Variants in PRKN observed in about 807,000 individuals in gnomAD.
PRKN encodes the protein E3 ubiquitin-protein ligase parkin.
A neutral mutation model predicts 59.5 loss-of-function variants in PRKN; 56 were observed. The ratio of observed to expected loss-of-function variants is 0.94; its 90% CI spans 0.76 to 1.18. The LOEUF (loss-of-function observed/expected upper bound fraction) is 1.18, where lower values mean the gene tolerates loss of function less well. Ranked by LOEUF, PRKN falls within the 50% of genes most tolerant of loss-of-function variation. The pLI is 0.00. For missense variants in PRKN, 657 were observed against 596.4 expected (o/e 1.10, Z -1.06); for synonymous variants, 250 against 222.1 (o/e 1.13, Z -1.12).
At chr6:162,197,286 C>T (rs1784532210) in intron 4 of PRKN, among the ~76,000 whole-genome samples, 1 of 152,134 alleles carries the variant, frequency 6.6e-6, no homozygotes, top group South Asian at 2.1e-4. Context: ...GACTGGTCGG[C>T]TGATCCACAG....
chr6:162,054,357 A>T (rs1777772624), intron 4 of PRKN, among the ~76,000 whole-genome samples, 183 bp from the exon 5 acceptor site: 1 of 152,146 alleles, frequency 6.6e-6, no homozygotes, highest in Non-Finnish European at 1.5e-5. Flanking sequence ...CTAGGTCAAA[A>T]CTATGTTCAT....
At chr6:161,963,979 C>G (rs766718019) in intron 6 of PRKN, among the ~76,000 whole-genome samples, 2 of 150,956 alleles carry the variant, frequency 1.3e-5, no homozygotes, top group Admixed American at 6.6e-5. Context: ...AGGACAACAG[C>G]GAGTTCAACT....
At chr6:162,704,038 A>T (rs891316795) in intron 1 of PRKN, among the ~76,000 whole-genome samples, 1 of 152,174 alleles carries the variant, frequency 6.6e-6, no homozygotes, top group African/African-American at 2.4e-5. Context: ...ACACAGGTGC[A>T]GGAGATGCAC....
chr6:161,777,895 T>C (rs935034084), intron 7 of PRKN, among the ~76,000 whole-genome samples: 10 of 122,862 alleles, frequency 8.1e-5, no homozygotes, highest in Non-Finnish European at 1.8e-4. Context: ...TATATATATG[T>C]ATACATATAT....
chr6:162,507,776 A>T (rs1158700132), intron 1 of PRKN, among the ~76,000 whole-genome samples: 1 of 152,198 alleles, frequency 6.6e-6, no homozygotes, highest in East Asian at 1.9e-4. Context: ...GACGAAGATC[A>T]CCTCTATCTA....
At chr6:162,585,026 G>A (rs906559174) in intron 1 of PRKN, among the ~76,000 whole-genome samples, 8 of 150,200 alleles carry the variant, frequency 5.3e-5, no homozygotes, top group African/African-American at 1.2e-4. Context: ...TCAGCCTCCC[G>A]AGTAGCTGAG....
At chr6:162,356,534 C>A (rs369831273) in intron 2 of PRKN, among the ~76,000 whole-genome samples, 1 of 137,500 alleles carries the variant, frequency 7.3e-6, no homozygotes, top group Non-Finnish European at 1.6e-5. Context: ...ATATATAATA[C>A]ATTTTTTTTT....
At chr6:161,692,753 AAAAC>A (rs947909165) in intron 7 of PRKN, among the ~76,000 whole-genome samples, 12 of 152,206 alleles carry the variant, frequency 7.9e-5, no homozygotes, top group Admixed American at 1.3e-4. Context: ...AAAAACAAAC[AAAAC>A]AAACAAACAA....
intron 7 of PRKN, among the ~76,000 whole-genome samples, chr6:161,728,924 G>A (rs972935973): frequency 9.9e-5 from 15 of 152,182 alleles, no homozygotes; most frequent in Non-Finnish European, 1.2e-4. Flanking sequence ...TCTCCTGCAG[G>A]AAAAGTAATC....
At chr6:161,843,193 T>C (rs1793062258) in intron 6 of PRKN, among the ~76,000 whole-genome samples, 1 of 152,158 alleles carries the variant, frequency 6.6e-6, no homozygotes, top group African/African-American at 2.4e-5. Flanking sequence ...CCAAACTCTA[T>C]ATTATTATCC....
rs112525834 is a variant in PRKN at position 162,323,742 on chromosome 6, C to T, written c.172-60977G>A. Among the ~76,000 whole-genome samples the T allele has an allele frequency of 3.7e-3, 564 of 152,104 alleles. 3 individuals carry two copies. Among genetic ancestry groups the T allele is most frequent in the African/African-American group, 0.013 (544 of 41,494 alleles). ...ATCAGAATGTCTAAAATTAAAAAGG[C>T]TAATCATACCAAATACTGGTGAAGG... On this transcript the variant is annotated intron_variant, in intron 2 of 11. Coordinates refer to ENST00000366898, the MANE Select transcript of PRKN (RefSeq NM_004562.3).
At chr6:162,240,440 T>TA (rs1257921399) in intron 3 of PRKN, among the ~76,000 whole-genome samples, 2 of 152,242 alleles carry the variant, frequency 1.3e-5, no homozygotes, top group Non-Finnish European at 2.9e-5. Context: ...GGGAAAAATT[T>TA]AGAGATATTA....
rs148491306 is a variant in PRKN, at chr6:162,360,722, A to G, written c.171+82588T>C. On this transcript the variant is annotated intron_variant, in intron 2 of 11. Coordinates refer to ENST00000366898, the MANE Select transcript of PRKN (RefSeq NM_004562.3). ...CACCGACAATGGTAAGATCCTTGTG[A>G]GGCTCTCGCTCCACCTTTCTCATTA... is the stretch of plus-strand genomic sequence containing the variant. Among the ~76,000 whole-genome samples the G allele has an allele frequency of 6.6e-5, 10 of 152,320 alleles. No individual in the cohort carries two copies. The East Asian group carries it at 1.9e-3, about 29-fold the overall frequency.
intron 6 of PRKN, among the ~76,000 whole-genome samples, chr6:161,857,180 G>C (rs1372643834): frequency 6.6e-6 from 1 of 152,212 alleles, no homozygotes; most frequent in Non-Finnish European, 1.5e-5. Flanking sequence ...AGTGAGCCAA[G>C]ATCGAACCAC....
intron 7 of PRKN, among the ~76,000 whole-genome samples, chr6:161,614,204 A>G (rs1438444257): frequency 6.6e-6 from 1 of 152,084 alleles, no homozygotes; most frequent in Non-Finnish European, 1.5e-5. Context: ...GAGCCTCCCT[A>G]TTTGAGGTCT....
At chr6:162,180,674 G>C (rs1783764802) in intron 4 of PRKN, among the ~76,000 whole-genome samples, 1 of 152,142 alleles carries the variant, frequency 6.6e-6, no homozygotes, top group East Asian at 1.9e-4. Flanking sequence ...TATGTTGTCG[G>C]TTCCTTTTGT....
rs1270337883 is a variant in PRKN, at chr6:161,752,094, G to A, written c.871+33678C>T. 5.3e-5 allele frequency among the ~76,000 whole-genome samples: 8 copies of A among 152,346 alleles called. No homozygotes were observed. In the South Asian group the frequency reaches 8.3e-4, roughly 16 times the overall value. ...CCTAAGGAATCCGTTTTGGGACAGG[G>A]AACTGATTTAATTTACATTTTTGAA... On this transcript the variant is annotated intron_variant, in intron 7 of 11. Coordinates refer to ENST00000366898, the MANE Select transcript of PRKN (RefSeq NM_004562.3).
chr6:162,520,772 G>T (rs963052048), intron 1 of PRKN, among the ~76,000 whole-genome samples: 1 of 151,218 alleles, frequency 6.6e-6, no homozygotes, highest in African/African-American at 2.4e-5. Context: ...TTTTTAAATG[G>T]AAAGAAAATG....
chr6:162,186,892 C>T (rs935522905), intron 4 of PRKN, among the ~76,000 whole-genome samples: 1 of 152,166 alleles, frequency 6.6e-6, no homozygotes, highest in Admixed American at 6.5e-5. Flanking sequence ...AACCATCAGC[C>T]AATTAAACTC....
Sources: gnomAD v4.1 joint callset for allele counts (sites outside exome capture counted in the v4.1 genomes callset) on GRCh38, gnomAD v4.1.1 for gene constraint, MANE v1.5 for transcripts, NCBI Gene and HGNC (gene_info 2026-07-23, HGNC 2026-07-21) for gene names.